DNAH5: variants seen among roughly 807,000 people sequenced by gnomAD.
DNAH5 encodes the protein axonemal beta dynein heavy chain 5.
Under a neutral mutation model 518.2 loss-of-function variants are expected in DNAH5, and 372 were observed. The ratio of observed to expected loss-of-function variants is 0.72; its 90% confidence interval spans 0.66 to 0.78. DNAH5 has a LOEUF of 0.78. Ranked by LOEUF, DNAH5 falls within the 30% of genes least tolerant of loss-of-function variation. DNAH5 has a pLI of 0.00. For synonymous variants in DNAH5, 2,039 were observed against 2,025.9 expected (o/e 1.01, Z -0.17); for missense variants, 5,523 against 5,687.0 (o/e 0.97, Z 0.93).
intron 47 of DNAH5, among the ~76,000 whole-genome samples, chr5:13,802,815 C>T (rs1439499760): frequency 6.6e-6 from 1 of 152,206 alleles, no homozygotes; most frequent in Non-Finnish European, 1.5e-5. Flanking sequence ...ACGAACTAAA[C>T]TACTGCTTCT....
At position 13,840,768 on chromosome 5, in the gene DNAH5, G is replaced by A. The variant is rs1561401077; in HGVS notation, c.5709+138C>T. 7.1e-6 allele frequency: 5 copies of A among 702,774 alleles called. No homozygotes were observed. In the East Asian group the frequency reaches 1.4e-4, roughly 19 times the overall value. The allele number at this position is 702,774 out of a possible 1,614,324, so 43.5% of individuals were successfully genotyped here. A position where few individuals can be genotyped will look rare whatever the true frequency, so the allele number is the denominator to read the frequency against. On this transcript the variant is annotated intron_variant, in intron 34 of 78. Coordinates refer to ENST00000265104, the MANE Select transcript of DNAH5 (RefSeq NM_001369.3). ...TTAAGACTGAAAAGAAAGCTGATAA[G>A]CTCTGATTACAAACATGATTCTTTG...
intron 1 of DNAH5, among the ~76,000 whole-genome samples, chr5:13,955,570 G>A (rs1780711298): frequency 6.6e-6 from 1 of 152,120 alleles, no homozygotes; most frequent in Non-Finnish European, 1.5e-5. Context: ...AAAATCTATT[G>A]CTTTTTTAAT....
At position 13,907,257 on chromosome 5, in the gene DNAH5, C is replaced by G. The variant is rs573905470; in HGVS notation, c.1644+4129G>C. Among the ~76,000 whole-genome samples the G allele has an allele frequency of 4.0e-4, 61 of 152,228 alleles. No homozygotes were observed. In the Middle Eastern group the frequency reaches 0.01, roughly 25 times the overall value. On this transcript the variant is annotated intron_variant, in intron 12 of 78. Coordinates refer to ENST00000265104, the MANE Select transcript of DNAH5 (RefSeq NM_001369.3). ...ACCAGTCTGGCCAACATGCTGAAAC[C>G]CCATCTGTACTAAAAATACAAAAAT...
chr5:13,938,311 C>T (rs967387600), intron 1 of DNAH5, among the ~76,000 whole-genome samples: 8 of 152,136 alleles, frequency 5.3e-5, no homozygotes, highest in African/African-American at 1.2e-4. Context: ...ATGCCTACAG[C>T]ATTCACCTCA....
chr5:13,918,509 A>T (rs1247365325), intron 7 of DNAH5, among the ~76,000 whole-genome samples: 2 of 152,066 alleles, frequency 1.3e-5, no homozygotes, highest in Non-Finnish European at 2.9e-5. Context: ...TCACTCTGTC[A>T]CCCAGGCTGG....
At chr5:13,803,551 C>T (rs1468000807) in intron 47 of DNAH5, among the ~76,000 whole-genome samples, 4 of 152,202 alleles carry the variant, frequency 2.6e-5, no homozygotes, top group African/African-American at 9.7e-5. Flanking sequence ...GTTCTGCCAC[C>T]AACTAAGTGA....
rs766475252 is a variant in DNAH5, at chr5:13,817,581, T to C, written c.6955A>G (p.Thr2319Ala). The C allele has an allele frequency of 3.6e-5, 58 of 1,614,070 alleles. No homozygotes were observed. The highest frequency in any genetic ancestry group is 1.6e-4 in the Middle Eastern group (1 of 6,084). Residue 2319 changes from threonine (T) to alanine (A), a missense_variant, in exon 42 of 79, where the codon ACG becomes GCG. Thr to Ala is a moderately conservative substitution (Grantham distance 58). Around this residue, in one of 3 missense-constraint regions of DNAH5, gnomAD observed 5,121 missense variants for 5,223.3 expected, o/e 0.98. Transcript: ENST00000265104. ...GCTCTTAATGTTTTCCTCCAAAGCG[T>C]AGAAAATATCCCATCAGTCCAGTCA... is the stretch of plus-strand genomic sequence containing the variant. The part of the protein sequence containing the change: ...TNDWTDGIFS[T>A]LWRKTLRAKK...
chr5:13,977,330 C>T (rs770550839), intron 1 of DNAH5, among the ~76,000 whole-genome samples: 33 of 152,190 alleles, frequency 2.2e-4, no homozygotes. Context: ...CTGTGAAGGA[C>T]GTGGGACGCA....
chr5:13,995,440 T>C (rs1327190706), intron 1 of DNAH5, among the ~76,000 whole-genome samples: 1 of 152,136 alleles, frequency 6.6e-6, no homozygotes, highest in East Asian at 1.9e-4. Context: ...GCAACTGACT[T>C]AGGCCTACAT....
At chr5:14,007,251 T>C (rs1330021226) in intron 1 of DNAH5, among the ~76,000 whole-genome samples, 1 of 152,186 alleles carries the variant, frequency 6.6e-6, no homozygotes, top group East Asian at 1.9e-4. Flanking sequence ...TCTCAGGACA[T>C]CACTGCATCA....
Position 13,921,770 on chromosome 5 carries a change from A to ACG in DNAH5, c.660+336_660+337insCG, listed in dbSNP as rs775585354. Among the ~76,000 whole-genome samples the ACG allele has an allele frequency of 2.0e-3, 254 of 129,176 alleles. No homozygotes were observed. The Middle Eastern group carries it at 0.023, about 12-fold the overall frequency. The allele number at this position is 129,176 out of a possible 152,430, so 84.7% of individuals were successfully genotyped here. ...CACACACCCCCCCACACACACACAC[A>ACG]CTTCAGTTCCAAATTCCTTTCATTC... On this transcript the variant is annotated intron_variant, in intron 5 of 78. Coordinates refer to ENST00000265104, the MANE Select transcript of DNAH5 (RefSeq NM_001369.3).
exon 1 of DNAH5, among the ~76,000 whole-genome samples, chr5:14,011,657 C>T (rs1430897245): frequency 6.6e-6 from 1 of 152,106 alleles, no homozygotes; most frequent in East Asian, 1.9e-4. Context: ...CCAGTTTGTC[C>T]ATGGCGCTGT....
At chr5:13,972,824 G>A (rs11952833) in intron 1 of DNAH5, among the ~76,000 whole-genome samples, 55,186 of 152,046 alleles carry the variant, frequency 0.36, 11,712 homozygotes, top group South Asian at 0.47. Flanking sequence ...CTGTCCATTC[G>A]AGTGGGAGCT....
chr5:13,890,585 A>AC (rs772748517), intron 17 of DNAH5, among the ~76,000 whole-genome samples: 13 of 151,782 alleles, frequency 8.6e-5, no homozygotes, highest in Admixed American at 2.6e-4. Context: ...AGTTTGGGAA[A>AC]CCCCCCCTCA....
chr5:13,998,379 C>G (rs1276056304), intron 1 of DNAH5, among the ~76,000 whole-genome samples: 1 of 152,236 alleles, frequency 6.6e-6, no homozygotes, highest in African/African-American at 2.4e-5. Context: ...CGTCTTAATA[C>G]TATTGCAGTG....
In DNAH5 at chr5:13,717,462, G is replaced by A. The variant is rs748817131; in HGVS notation, c.12558C>T (p.Tyr4186=). ...SSGSQWKPML[Y]AVAFLHSTVQ... ...CAGTGGAGTGCAGGAAAGCCACTGCGTACAGCATGGGCTTCCACTGGGACC... is the reference window on the plus strand; with the variant it reads ...CAGTGGAGTGCAGGAAAGCCACTGCATACAGCATGGGCTTCCACTGGGACC... The change falls in exon 73 of 79, where the codon TAC becomes TAT. Residue 4186 remains tyrosine, a synonymous_variant. Transcript: ENST00000265104. 51 of 1,614,164 alleles carry A rather than the reference G, an allele frequency of 3.2e-5. No individual in the cohort carries two copies. The highest frequency in any genetic ancestry group is 2.8e-4 in the Admixed American group (17 of 60,028).
chr5:13,904,372 G>T (rs973327021), intron 12 of DNAH5, among the ~76,000 whole-genome samples: 5 of 148,420 alleles, frequency 3.4e-5, no homozygotes, highest in African/African-American at 9.8e-5. Context: ...TTTTTATGTA[G>T]ATTGTACATG....
At chr5:13,695,339 C>T (rs183954205) in intron 78 of DNAH5, among the ~76,000 whole-genome samples, 1 of 152,126 alleles carries the variant, frequency 6.6e-6, no homozygotes, top group Non-Finnish European at 1.5e-5. Flanking sequence ...AGGGAGAGCA[C>T]CATCCGCAGA....
chr5:13,891,003 G>C lies in DNAH5; in HGVS notation c.2550C>G (p.Thr850=). The stretch of plus-strand genomic sequence containing the variant: ...TTGTCATTTGGAGAAACTCTTCACA[G>C]GTTAGTGGCTCCTCCTGGGGAAGCT... ...LCQLPQEEPL[T]CEEFLQMTKD... Residue 850 remains threonine (T), a synonymous_variant, in exon 17 of 79, where the codon ACC becomes ACG. Coordinates refer to ENST00000265104, the MANE Select transcript of DNAH5 (RefSeq NM_001369.3). 6.2e-7 allele frequency: 1 copy of C among 1,614,152 alleles called. No homozygotes were observed. Among genetic ancestry groups the C allele is most frequent in the Non-Finnish European group, 8.5e-7 (1 of 1,179,998 alleles).
Sources: allele counts gnomAD v4.1 joint callset (sites outside exome capture counted in the v4.1 genomes callset), GRCh38; gene constraint gnomAD v4.1.1; regional missense constraint gnomAD v4.1.1; transcripts MANE v1.5; gene names NCBI Gene and HGNC (gene_info 2026-07-23, HGNC 2026-07-21).